Variants in LARGE1 observed in about 807,000 individuals in gnomAD.
LARGE1 encodes LARGE xylosyl- and glucuronyltransferase 1.
A neutral mutation model predicts 87.6 loss-of-function variants in LARGE1; 43 were observed. That is an observed-to-expected ratio of 0.49 (90% CI 0.38 to 0.63). LARGE1 has a LOEUF of 0.63. Among genes scored for constraint, LARGE1 ranks in the 30% least tolerant of loss-of-function variants. The pLI is 0.00. For synonymous variants in LARGE1, 434 were observed against 394.6 expected, an observed-to-expected ratio of 1.10 and a Z score of -1.18; for missense variants, 802 against 1,000.2, an observed-to-expected ratio of 0.80 and a Z score of 2.67.
intron 4 of LARGE1, among the ~76,000 whole-genome samples, chr22:33,606,346 A>T (rs1323603797): frequency 1.3e-5 from 2 of 152,178 alleles, no homozygotes; most frequent in East Asian, 3.9e-4. Flanking sequence ...TGGAGGTTGC[A>T]GTGAGCCGAG....
chr22:33,495,298 C>G (rs1192548579), intron 6 of LARGE1, among the ~76,000 whole-genome samples: 1 of 152,202 alleles, frequency 6.6e-6, no homozygotes, highest in Non-Finnish European at 1.5e-5. Flanking sequence ...GCACTGACCG[C>G]TATCTGAATT....
chr22:33,328,435 C>G (rs1042145790), intron 10 of LARGE1, among the ~76,000 whole-genome samples: 2 of 152,032 alleles, frequency 1.3e-5, no homozygotes, highest in African/African-American at 4.8e-5. Flanking sequence ...CAAAAATTAG[C>G]CTGGCATGGT....
chr22:33,142,785 G>C, the LARGE1 span, among the ~76,000 whole-genome samples: 1 of 152,136 alleles, frequency 6.6e-6, no homozygotes, highest in African/African-American at 2.4e-5. Context: ...ATTTTCAAAG[G>C]CTCACCCTCA....
chr22:33,191,324 G>C lies in LARGE1; in HGVS notation c.1731-24492C>G, dbSNP rs139566640. Among the ~76,000 whole-genome samples the C allele has an allele frequency of 7.9e-5, 12 of 152,260 alleles. No individual in the cohort carries two copies. The East Asian group carries it at 2.3e-3, about 29-fold the overall frequency. ...CAGTTCCTAAATTTACTTATTATTAGAACCATTGACAGAGACAGTAAAAAT... is the reference window on the plus strand; with the variant it reads ...CAGTTCCTAAATTTACTTATTATTACAACCATTGACAGAGACAGTAAAAAT... On this transcript the variant is annotated intron_variant, in intron 11 of 11. Transcript: ENST00000608642.
At chr22:33,800,672 T>C (rs967976645) in intron 1 of LARGE1, among the ~76,000 whole-genome samples, 1 of 152,194 alleles carries the variant, frequency 6.6e-6, no homozygotes, top group Non-Finnish European at 1.5e-5. Context: ...GACTGGCTTT[T>C]TGCACTCAAC....
intron 2 of LARGE1, among the ~76,000 whole-genome samples, chr22:33,677,782 G>C (rs1458028901): frequency 2.6e-5 from 4 of 152,186 alleles, no homozygotes; most frequent in Non-Finnish European, 5.9e-5. Flanking sequence ...CTTACACCCT[G>C]TTTGTCTGTC....
At chr22:33,074,296 T>G in the LARGE1 span, among the ~76,000 whole-genome samples, 1 of 152,176 alleles carries the variant, frequency 6.6e-6, no homozygotes, top group African/African-American at 2.4e-5. Context: ...AAAGTACCTT[T>G]GATATGATTT....
rs1054678238 is a variant in LARGE1, at chr22:33,761,694, G to C, written c.-82-136C>G. On this transcript the variant is annotated intron_variant, in intron 1 of 14. Coordinates refer to ENST00000397394, the MANE Select transcript of LARGE1 (RefSeq NM_133642.5). Reference sequence around the variant, plus strand: ...TTCCTGCTAACCTTTCATCCCAAGAGATGATGCTGCCGTCTCGCAGTCTTC... The same window carrying C: ...TTCCTGCTAACCTTTCATCCCAAGACATGATGCTGCCGTCTCGCAGTCTTC... 3 of 596,236 alleles carry C rather than the reference G, an allele frequency of 5.0e-6. No individual in the cohort carries two copies. In the African/African-American group the frequency reaches 5.6e-5, roughly 11 times the overall value. The allele number at this position is 596,236 out of a possible 1,614,324, so 36.9% of individuals were successfully genotyped here. A position where few individuals can be genotyped will look rare whatever the true frequency, so the allele number is the denominator to read the frequency against.
chr22:33,294,879 C>T, intron 12 of LARGE1, among the ~76,000 whole-genome samples: 1 of 152,142 alleles, frequency 6.6e-6, no homozygotes, highest in East Asian at 1.9e-4. Flanking sequence ...TGTGAAGAGG[C>T]CTCTTTGGAA....
intron 1 of LARGE1, among the ~76,000 whole-genome samples, chr22:33,766,241 G>GT (rs2084896897): frequency 2.0e-5 from 3 of 152,232 alleles, no homozygotes; most frequent in Admixed American, 2.0e-4. Flanking sequence ...CTCCCCACCT[G>GT]TTAACCCAGG....
At position 33,910,595 on chromosome 22, in the gene LARGE1, T is replaced by C. The variant is rs184504179; in HGVS notation, c.-83+9400A>G. On this transcript the variant is annotated intron_variant, in intron 1 of 14. Coordinates refer to ENST00000397394, the MANE Select transcript of LARGE1 (RefSeq NM_133642.5). Reference sequence around the variant, plus strand: ...CAAGACGAGGCTCCTGAATGGACGATGAGTAACTCTGCACCTCTGTGTTCC... The same window carrying C: ...CAAGACGAGGCTCCTGAATGGACGACGAGTAACTCTGCACCTCTGTGTTCC... Among the ~76,000 whole-genome samples the C allele has an allele frequency of 1.5e-3, 233 of 152,242 alleles. 1 individual carries two copies. The highest frequency in any genetic ancestry group is 5.4e-3 in the African/African-American group (226 of 41,530).
In LARGE1 at chr22:33,730,240, T is replaced by C. The variant is rs563853697; in HGVS notation, c.106+31131A>G. Among the ~76,000 whole-genome samples the C allele has an allele frequency of 3.3e-5, 5 of 152,338 alleles. No individual in the cohort carries two copies. In the South Asian group the frequency reaches 1.0e-3, roughly 32 times the overall value. ...TAGTAAATATATTTTCCTTTTGATG[T>C]TCTTAATAACAATTTCTCCTCTCTA... On this transcript the variant is annotated intron_variant, in intron 2 of 14. Transcript: ENST00000397394.
chr22:33,529,426 C>T (rs183937907), intron 6 of LARGE1, among the ~76,000 whole-genome samples: 1 of 152,330 alleles, frequency 6.6e-6, no homozygotes, highest in East Asian at 1.9e-4. Flanking sequence ...TGCAAGAGCA[C>T]TTACCAATGG....
chr22:33,358,260 T>C (rs1036421109), intron 9 of LARGE1, among the ~76,000 whole-genome samples: 3 of 151,506 alleles, frequency 2.0e-5, no homozygotes, highest in African/African-American at 7.3e-5. Context: ...GACTAGAAGG[T>C]AGTAATTCGA....
chr22:33,424,040 C>T (rs2066787110), intron 7 of LARGE1, among the ~76,000 whole-genome samples: 1 of 152,122 alleles, frequency 6.6e-6, no homozygotes, highest in African/African-American at 2.4e-5. Context: ...TGCAATGTGG[C>T]AGTAAAAGTA....
At chr22:33,251,228 G>A (rs997714843) in intron 11 of LARGE1, among the ~76,000 whole-genome samples, 14 of 152,194 alleles carry the variant, frequency 9.2e-5, no homozygotes, top group Non-Finnish European at 1.8e-4. Flanking sequence ...TCTTCTGGAT[G>A]TGGAACACCC....
intron 1 of LARGE1, among the ~76,000 whole-genome samples, chr22:33,791,038 G>A (rs1414419463): frequency 2.6e-5 from 4 of 152,150 alleles, no homozygotes; most frequent in Admixed American, 2.6e-4. Flanking sequence ...AATTTCTTAA[G>A]AGAATATAAA....
At chr22:33,789,117 A>G (rs977411921) in intron 1 of LARGE1, among the ~76,000 whole-genome samples, 1 of 152,154 alleles carries the variant, frequency 6.6e-6, no homozygotes, top group Non-Finnish European at 1.5e-5. Context: ...GGAGGAAAAA[A>G]TGGTTTCGTG....
intron 3 of LARGE1, among the ~76,000 whole-genome samples, chr22:33,627,848 T>A (rs1602808292): frequency 6.6e-6 from 1 of 152,146 alleles, no homozygotes; most frequent in African/African-American, 2.4e-5. Context: ...TTCTCAGAAA[T>A]CCTACAATTA....
Sources: gnomAD v4.1 joint callset for allele counts (sites outside exome capture counted in the v4.1 genomes callset) on GRCh38, gnomAD v4.1.1 for gene constraint, MANE v1.5 for transcripts, NCBI Gene and HGNC (gene_info 2026-07-23, HGNC 2026-07-21) for gene names.